AKAP9: variants seen among roughly 807,000 people sequenced by gnomAD.
AKAP9 encodes the protein A-kinase anchoring protein 9, also known as A-kinase anchor protein 9.
AKAP9 carries 311 observed loss-of-function variants against 488.5 expected under a neutral mutation model. The ratio of observed to expected loss-of-function variants is 0.64; its 90% CI spans 0.58 to 0.70. The LOEUF is 0.70. Ranked by LOEUF, AKAP9 falls within the 30% of genes least tolerant of loss-of-function variation. The pLI is 0.00. For synonymous variants in AKAP9, 1,462 were observed against 1,483.5 expected (o/e 0.99, Z 0.33); for missense variants, 4,215 against 4,374.5 (o/e 0.96, Z 1.03).
chr7:91,952,112 C>CTAG (rs1055500683), intron 1 of AKAP9, among the ~76,000 whole-genome samples: 1 of 152,134 alleles, frequency 6.6e-6, no homozygotes, highest in Non-Finnish European at 1.5e-5. Flanking sequence ...AGATCAAATC[C>CTAG]TAGATAACTT....
At chr7:91,970,040 G>T (rs1239308745) in intron 1 of AKAP9, among the ~76,000 whole-genome samples, 1 of 151,372 alleles carries the variant, frequency 6.6e-6, no homozygotes, top group Non-Finnish European at 1.5e-5. Context: ...CTGGTAGTAT[G>T]TTTGAATTTG....
At chr7:92,081,472 T>G (rs1455976142) in intron 31 of AKAP9, among the ~76,000 whole-genome samples, 4 of 42,378 alleles carry the variant, frequency 9.4e-5, no homozygotes, top group Non-Finnish European at 1.8e-4. Context: ...ACCCGGCTAA[T>G]TTATATATAT....
chr7:92,093,485 G>A (rs1171454658), intron 39 of AKAP9, among the ~76,000 whole-genome samples, 169 bp downstream of exon 39: 1 of 152,126 alleles, frequency 6.6e-6, no homozygotes, highest in African/African-American at 2.4e-5. Context: ...TCCAAATGAT[G>A]AACTTATGAT....
At position 91,994,708 on chromosome 7, in the gene AKAP9, G is replaced by C. The variant is rs1396066081; in HGVS notation, c.664G>C (p.Asp222His). The C allele has an allele frequency of 6.2e-7, 1 of 1,613,306 alleles. No individual in the cohort carries two copies. Residue 222 changes from aspartate (D) to histidine (H), a missense_variant, in exon 6 of 50, where the codon GAT (aspartate) becomes CAT (histidine). Asp to His is a moderately conservative substitution (Grantham distance 81). Around this residue, in one of 5 missense-constraint regions of AKAP9, gnomAD observed 2,361 missense variants for 2,430.0 expected, o/e 0.97. Transcript: ENST00000356239. ...ANLQQARREK[D>H]ETMREFLELT... ...TTTACAACAAGCAAGAAGAGAAAAG[G>C]ATGAGACAATGAGAGAATTTTTAGA...
At chr7:92,064,888 G>A (rs1463310033) in intron 24 of AKAP9, among the ~76,000 whole-genome samples, 3 of 151,590 alleles carry the variant, frequency 2.0e-5, no homozygotes, top group African/African-American at 7.3e-5. Flanking sequence ...GTTTTTTTCT[G>A]TGCTTGAATT....
chr7:92,035,344 T>C (rs1054467976), intron 16 of AKAP9, among the ~76,000 whole-genome samples: 1 of 152,258 alleles, frequency 6.6e-6, no homozygotes, highest in African/African-American at 2.4e-5. Flanking sequence ...TTCAGTTCTT[T>C]TAAATTTGAT....
intron 1 of AKAP9, among the ~76,000 whole-genome samples, chr7:91,967,543 C>T (rs1039793394): frequency 1.3e-5 from 2 of 151,948 alleles, no homozygotes; most frequent in African/African-American, 2.4e-5. Context: ...TTTTTTTCAG[C>T]GTTAATTGAA....
At chr7:92,092,758 C>G (rs1409980684) in intron 38 of AKAP9, 1 of 244,422 alleles carries the variant, frequency 4.1e-6, no homozygotes, top group East Asian at 1.0e-4. Flanking sequence ...GCAATCCCCC[C>G]ACCTCAGCCT....
At chr7:91,945,580 G>A (rs1373544581) in intron 1 of AKAP9, among the ~76,000 whole-genome samples, 1 of 152,168 alleles carries the variant, frequency 6.6e-6, no homozygotes, top group Non-Finnish European at 1.5e-5. Context: ...TAGTTTTTCT[G>A]CTGCTTGTTG....
chr7:92,055,374 G>C (rs936749280), intron 22 of AKAP9, among the ~76,000 whole-genome samples: 8 of 152,004 alleles, frequency 5.3e-5, no homozygotes, highest in African/African-American at 1.7e-4. Context: ...ATTGGTCTAG[G>C]CTCCGTCAGG....
intron 7 of AKAP9, among the ~76,000 whole-genome samples, chr7:92,000,633 C>G (rs1327612937): frequency 6.6e-6 from 1 of 152,112 alleles, no homozygotes; most frequent in East Asian, 1.9e-4. Context: ...CTAAGAAGGC[C>G]AAAACTACTG....
At chr7:91,942,143 G>C (rs1790840010) in intron 1 of AKAP9, among the ~76,000 whole-genome samples, 1 of 152,156 alleles carries the variant, frequency 6.6e-6, no homozygotes, top group African/African-American at 2.4e-5. Context: ...ATAATTGTTA[G>C]CAGTCATACT....
At chr7:92,053,583 C>T (rs1808329468) in intron 22 of AKAP9, among the ~76,000 whole-genome samples, 1 of 152,088 alleles carries the variant, frequency 6.6e-6, no homozygotes, top group Non-Finnish European at 1.5e-5. Flanking sequence ...CTTATGTGAC[C>T]AGGTAGTGAA....
intron 14 of AKAP9, among the ~76,000 whole-genome samples, chr7:92,027,286 G>A (rs7776929): frequency 0.026 from 3,405 of 130,976 alleles, 156 homozygotes; most frequent in African/African-American, 0.096. Context: ...CAGCCGCCCC[G>A]TCTGGGATGT....
In AKAP9 at chr7:91,981,079, C is replaced by T. The variant is rs549030811; in HGVS notation, c.351+746C>T. ...AACTGCTACTTTAGAAGTTAATGTG[C>T]TTAAAAGTTGGAATATACTTACTAG... On this transcript the variant is annotated intron_variant, in intron 3 of 49. Coordinates refer to ENST00000356239, the MANE Select transcript of AKAP9 (RefSeq NM_005751.5). Among the ~76,000 whole-genome samples the T allele has an allele frequency of 5.9e-5, 9 of 152,254 alleles. No individual in the cohort carries two copies. In the South Asian group the frequency reaches 1.2e-3, roughly 21 times the overall value.
intron 26 of AKAP9, among the ~76,000 whole-genome samples, chr7:92,068,720 T>C (rs567641890): frequency 2.6e-4 from 39 of 152,140 alleles, no homozygotes; most frequent in Non-Finnish European, 4.9e-4. Context: ...GCTTTTTTTT[T>C]CCTTTTTTTT....
chr7:92,001,008 A>G lies in AKAP9; in HGVS notation c.1091A>G (p.Glu364Gly). Reference sequence around the variant, plus strand: ...GATAAATTACTAGGAGAATTACAAGAACAGATTGTGCAAAAGAACCAAGAA... The same window carrying G: ...GATAAATTACTAGGAGAATTACAAGGACAGATTGTGCAAAAGAACCAAGAA... ...TADKLLGELQ[E>G]QIVQKNQEIK... is the part of the protein sequence containing the mutation. Residue 364 changes from glutamate to glycine, a missense_variant, in exon 8 of 50, where the codon GAA (glutamate) becomes GGA (glycine). Glu to Gly is a moderately conservative substitution (Grantham distance 98). Transcript: ENST00000356239. 6.4e-7 allele frequency: 1 copy of G among 1,558,158 alleles called. No individual in the cohort carries two copies. Among genetic ancestry groups the G allele is most frequent in the South Asian group, 1.2e-5 (1 of 82,830 alleles).
Position 91,974,063 on chromosome 7 carries a change from T to A in AKAP9, c.306+95T>A, listed in dbSNP as rs551085647. 54 of 1,451,204 alleles carry A rather than the reference T, an allele frequency of 3.7e-5. No individual in the cohort carries two copies. In the Admixed American group the frequency reaches 9.1e-4, roughly 24 times the overall value. The allele number at this position is 1,451,204 out of a possible 1,614,324, so 89.9% of individuals were successfully genotyped here. A position where few individuals can be genotyped will look rare whatever the true frequency, so the allele number is the denominator to read the frequency against. On this transcript the variant is annotated intron_variant, in intron 2 of 49. Coordinates refer to ENST00000356239, the MANE Select transcript of AKAP9 (RefSeq NM_005751.5). ...CAACTGTGCGCAATTTGATCATGAT[T>A]TTTATGTCCTCTTGAAAGTTTTAGT...
At chr7:91,998,189 T>C (rs1798640185) in intron 7 of AKAP9, among the ~76,000 whole-genome samples, 1 of 152,132 alleles carries the variant, frequency 6.6e-6, no homozygotes, top group Non-Finnish European at 1.5e-5. Context: ...GAGATCTCGC[T>C]GGTAATGCTT....
Sources: allele counts gnomAD v4.1 joint callset (sites outside exome capture counted in the v4.1 genomes callset), GRCh38; gene constraint gnomAD v4.1.1; regional missense constraint gnomAD v4.1.1; transcripts MANE v1.5; gene names NCBI Gene and HGNC (gene_info 2026-07-23, HGNC 2026-07-21).